DPH6: variants seen among roughly 807,000 people sequenced by gnomAD.
DPH6 encodes diphthamine biosynthesis 6.
A neutral mutation model predicts 38.2 loss-of-function variants in DPH6; 33 were observed. The observed-to-expected ratio is 0.86, with a 90% CI of 0.65 to 1.15. The LOEUF is 1.15. Ranked by LOEUF, DPH6 falls within the 50% of genes most tolerant of loss-of-function variation. DPH6 has a pLI of 0.00. For missense variants in DPH6, 325 were observed against 320.0 expected (o/e 1.02, Z -0.12); for synonymous variants, 108 against 103.0 (o/e 1.05, Z -0.30).
the DPH6 span, among the ~76,000 whole-genome samples, chr15:35,201,332 G>A: frequency 2.0e-5 from 3 of 151,450 alleles, no homozygotes; most frequent in African/African-American, 7.3e-5. Flanking sequence ...TGTTCCATTC[G>A]ATTGATCTTT....
At chr15:35,537,090 G>A (rs993970952) in intron 3 of DPH6, among the ~76,000 whole-genome samples, 3 of 152,010 alleles carry the variant, frequency 2.0e-5, no homozygotes, top group Non-Finnish European at 4.4e-5. Context: ...AACTATTTTA[G>A]TCAAACAAAT....
intron 3 of DPH6, among the ~76,000 whole-genome samples, chr15:35,222,127 A>C (rs1026953450): frequency 2.6e-5 from 4 of 152,240 alleles, no homozygotes; most frequent in Non-Finnish European, 1.5e-5. Context: ...ATGAACACTT[A>C]CATAATCTCT....
chr15:35,365,281 T>C (rs2052647948), intron 3 of DPH6, among the ~76,000 whole-genome samples: 2 of 152,124 alleles, frequency 1.3e-5, no homozygotes, highest in Non-Finnish European at 2.9e-5. Context: ...TTTTATTTAC[T>C]TTTCTATCTG....
rs979252686 is a variant in DPH6 at position 35,401,637 on chromosome 15, G to A, written c.567+9198C>T. ...ATCTTCGAATTTTGGAACCATGAAGGTAGGAAACTTTGGAGGCAGAAACTC... is the reference window on the plus strand; with the variant it reads ...ATCTTCGAATTTTGGAACCATGAAGATAGGAAACTTTGGAGGCAGAAACTC... On this transcript the variant is annotated intron_variant, in intron 6 of 8. Transcript: ENST00000256538. 12 of 755,152 alleles carry A rather than the reference G, an allele frequency of 1.6e-5. No individual in the cohort carries two copies. The East Asian group carries it at 2.9e-4, about 18-fold the overall frequency. The allele number at this position is 755,152 out of a possible 1,614,324, so 46.8% of individuals were successfully genotyped here.
intron 3 of DPH6, among the ~76,000 whole-genome samples, chr15:35,333,630 T>C (rs1328645568): frequency 6.6e-6 from 1 of 152,064 alleles, no homozygotes; most frequent in Non-Finnish European, 1.5e-5. Context: ...ATTAAACTTA[T>C]ATTCATTCTG....
the DPH6 span, among the ~76,000 whole-genome samples, chr15:35,205,930 A>G: frequency 2.8e-3 from 426 of 152,250 alleles, 2 homozygotes; most frequent in Middle Eastern, 0.024. Flanking sequence ...CCATTAAATA[A>G]CTTATATTGC....
rs970604298 is a variant in DPH6 at position 35,478,017 on chromosome 15, G to A, written c.313-23197C>T. On this transcript the variant is annotated intron_variant, in intron 3 of 8. Transcript: ENST00000256538. ...ACATGATGATTAAATAGCACACAGA[G>A]CAAACCTCTGATACTTTTAAAATTA... Among the ~76,000 whole-genome samples, 21 of 151,962 alleles carry A rather than the reference G, an allele frequency of 1.4e-4. 1 individual carries two copies. The South Asian group carries it at 1.4e-3, about 10-fold the overall frequency.
intron 3 of DPH6, among the ~76,000 whole-genome samples, chr15:35,516,592 A>G (rs922236983): frequency 1.3e-5 from 2 of 152,170 alleles, no homozygotes; most frequent in Non-Finnish European, 2.9e-5. Flanking sequence ...AAACCCACCA[A>G]CATTTCTTGG....
chr15:35,451,736 C>T (rs1023020077), intron 4 of DPH6, among the ~76,000 whole-genome samples: 1 of 152,118 alleles, frequency 6.6e-6, no homozygotes, highest in Non-Finnish European at 1.5e-5. Context: ...ATAGGACAGG[C>T]GCGGTGACTC....
chr15:35,421,779 CAAAG>C (rs1407636413), intron 5 of DPH6, among the ~76,000 whole-genome samples: 1 of 151,998 alleles, frequency 6.6e-6, no homozygotes, highest in Non-Finnish European at 1.5e-5. Flanking sequence ...AGTAAGGTCA[CAAAG>C]AACACTGAGA....
the DPH6 span, among the ~76,000 whole-genome samples, chr15:35,164,419 G>A: frequency 2.0e-5 from 3 of 151,388 alleles, no homozygotes. Context: ...TTTTGGAGCA[G>A]TGGCAGAGTT....
At position 35,503,805 on chromosome 15, in the gene DPH6, T is replaced by C. The variant is rs1292925240; in HGVS notation, c.312+34469A>G. Among the ~76,000 whole-genome samples the C allele has an allele frequency of 4.6e-5, 7 of 152,236 alleles. No homozygotes were observed. In the East Asian group the frequency reaches 1.3e-3, roughly 29 times the overall value. ...ACGAGGTAGGCTATTTTAATCTCCATTTTATAGAAGAGGAAACAAAGGCAC... is the reference window on the plus strand; with the variant it reads ...ACGAGGTAGGCTATTTTAATCTCCACTTTATAGAAGAGGAAACAAAGGCAC... On this transcript the variant is annotated intron_variant, in intron 3 of 8. Transcript: ENST00000256538.
chr15:35,421,458 T>C (rs907970412), intron 5 of DPH6, among the ~76,000 whole-genome samples: 23 of 152,354 alleles, frequency 1.5e-4, no homozygotes, highest in Middle Eastern at 3.4e-3. Flanking sequence ...TGATAATAAC[T>C]GCTGGTGATA....
intron 3 of DPH6, among the ~76,000 whole-genome samples, chr15:35,265,035 ATGTC>A (rs2051774458): frequency 6.6e-6 from 1 of 152,198 alleles, no homozygotes; most frequent in Non-Finnish European, 1.5e-5. Context: ...AGAAACAGTT[ATGTC>A]ATTCTAGATT....
intron 3 of DPH6, among the ~76,000 whole-genome samples, chr15:35,244,987 G>A (rs1595444265): frequency 6.6e-6 from 1 of 152,064 alleles, no homozygotes; most frequent in African/African-American, 2.4e-5. Context: ...GAAACATCAC[G>A]AAAGAATCTG....
chr15:35,409,532 C>A (rs2053337788), intron 6 of DPH6, among the ~76,000 whole-genome samples: 1 of 151,976 alleles, frequency 6.6e-6, no homozygotes, highest in Admixed American at 6.6e-5. Flanking sequence ...AATAGCAACA[C>A]ACTTAAAATC....
intron 3 of DPH6, among the ~76,000 whole-genome samples, chr15:35,358,241 T>C (rs1386016438): frequency 6.6e-6 from 1 of 152,218 alleles, no homozygotes; most frequent in Non-Finnish European, 1.5e-5. Flanking sequence ...TGATTTTTTT[T>C]TCTTTAAGTT....
At chr15:35,327,332 G>T (rs1489073269), downstream of DPH6, among the ~76,000 whole-genome samples, 3 of 144,836 alleles carry the variant, frequency 2.1e-5, no homozygotes, top group African/African-American at 7.6e-5. Flanking sequence ...TCTAGAAAAG[G>T]TTCCTTTTTT....
chr15:35,392,298 C>T (rs185102205), intron 6 of DPH6, among the ~76,000 whole-genome samples: 30 of 151,780 alleles, frequency 2.0e-4, no homozygotes, highest in South Asian at 2.1e-4. Context: ...TGGCTAAGGG[C>T]GTCATGATTT....
Sources: allele counts gnomAD v4.1 joint callset (sites outside exome capture counted in the v4.1 genomes callset), GRCh38; gene constraint gnomAD v4.1.1; transcripts MANE v1.5; gene names NCBI Gene and HGNC (gene_info 2026-07-23, HGNC 2026-07-21).